The following RALGAPB variants were observed in gnomAD, a reference collection of about 807,000 sequenced individuals.
RALGAPB encodes ral GTPase-activating protein subunit beta.
Under a neutral mutation model 161.1 loss-of-function variants are expected in RALGAPB, and 25 were observed. The ratio of observed to expected loss-of-function variants is 0.16; its 90% confidence interval spans 0.11 to 0.22. The LOEUF (loss-of-function observed/expected upper bound fraction) is 0.22. Among genes scored for constraint, RALGAPB ranks in the 10% least tolerant of loss-of-function variants. RALGAPB has a pLI of 1.00. For missense variants in RALGAPB, 1,391 were observed against 1,815.2 expected (o/e 0.77, Z 4.25); for synonymous variants, 629 against 626.1 (o/e 1.00, Z -0.07).
intron 20 of RALGAPB, among the ~76,000 whole-genome samples, chr20:38,549,029 C>T (rs1346836483): frequency 6.6e-6 from 1 of 152,138 alleles, no homozygotes; most frequent in Non-Finnish European, 1.5e-5. Flanking sequence ...GTGATTCTGA[C>T]ATCTACTTAG....
At chr20:38,532,108 T>G (rs1244117463) in intron 14 of RALGAPB, among the ~76,000 whole-genome samples, 1 of 152,210 alleles carries the variant, frequency 6.6e-6, no homozygotes, top group Non-Finnish European at 1.5e-5. Context: ...CAGGCTTGAG[T>G]GCAGTGGCGC....
Position 38,542,780 on chromosome 20 carries a change from C to T in RALGAPB, c.2714+1588C>T, listed in dbSNP as rs183407115. Among the ~76,000 whole-genome samples the T allele has an allele frequency of 3.8e-3, 585 of 151,952 alleles. 8 individuals are homozygous for T. Among genetic ancestry groups the T allele is most frequent in the African/African-American group, 0.013 (558 of 41,414 alleles). ...GTCCCAGCTACTCAGGAGGCTGAGG[C>T]AGGAGAATCGCTTGAACCCAGGACA... On this transcript the variant is annotated intron_variant, in intron 18 of 29. Transcript: ENST00000262879.
At chr20:38,473,860 A>G (rs1180156008) in intron 1 of RALGAPB, among the ~76,000 whole-genome samples, 1 of 152,200 alleles carries the variant, frequency 6.6e-6, no homozygotes, top group Non-Finnish European at 1.5e-5. Flanking sequence ...AAGATGCCCA[A>G]GTGATTCCAG....
chr20:38,574,871 C>A lies in RALGAPB; in HGVS notation c.4389C>A (p.Ile1463=), dbSNP rs1342572740. 6.2e-7 allele frequency: 1 copy of A among 1,613,670 alleles called. No homozygotes were observed. ...SPPHVRRKQK[I]TDIVNKYRNK... ...CCCATGTCCGCCGGAAACAGAAAAT[C>A]ACCGACATTGTCAACAAGTACCGGA... is the stretch of plus-strand genomic sequence containing the variant. The change falls in exon 30 of 30, where the codon ATC becomes ATA. Residue 1463 remains isoleucine (I), a synonymous_variant. Transcript: ENST00000262879.
At chr20:38,501,686 T>C (rs1568917611) in intron 5 of RALGAPB, among the ~76,000 whole-genome samples, 1 of 152,138 alleles carries the variant, frequency 6.6e-6, no homozygotes. Context: ...ATTACAGGCA[T>C]GAGCCACTGT....
intron 26 of RALGAPB, 97 bp from the exon 27 acceptor site, chr20:38,569,791 T>G: frequency 1.2e-6 from 1 of 853,832 alleles, no homozygotes; most frequent in Non-Finnish European, 1.9e-6. Context: ...ACTTGGTCAC[T>G]GAGCACCTTG....
In RALGAPB at chr20:38,546,438, T is replaced by G; in HGVS notation, c.2902+8T>G. On this transcript the variant is annotated splice_region_variant and intron_variant, in intron 19 of 29. Transcript: ENST00000262879. ...CTCTTGGAAATGAGCAGAGTAAGTT[T>G]ATAGTACTTTGAGCCTTCTCTACTG... is the stretch of plus-strand genomic sequence containing the variant. The G allele has an allele frequency of 6.2e-7, 1 of 1,613,928 alleles. No homozygotes were observed. The highest frequency in any genetic ancestry group is 8.5e-7 in the Non-Finnish European group (1 of 1,179,872).
chr20:38,569,824 T>C, intron 26 of RALGAPB, 64 bp from the exon 27 acceptor site: 1 of 1,307,520 alleles, frequency 7.6e-7, no homozygotes, highest in South Asian at 1.2e-5. Flanking sequence ...CTGGGTAGTT[T>C]TATTAAGCCA....
chr20:38,539,366 A>G (rs551942348), intron 16 of RALGAPB, among the ~76,000 whole-genome samples: 1 of 152,310 alleles, frequency 6.6e-6, no homozygotes, highest in South Asian at 2.1e-4. Context: ...GACCAGTTGT[A>G]TACTTGAAAT....
intron 6 of RALGAPB, among the ~76,000 whole-genome samples, chr20:38,511,237 G>A (rs2085939063): frequency 6.6e-6 from 1 of 151,946 alleles, no homozygotes; most frequent in African/African-American, 2.4e-5. Context: ...TGAACAGCTA[G>A]CCAGACTCTG....
rs558139133 is a variant in RALGAPB, at chr20:38,475,045, C to T, written c.-31+1976C>T. On this transcript the variant is annotated intron_variant, in intron 1 of 29. Transcript: ENST00000262879. Reference sequence around the variant, plus strand: ...TTGAGTTCTTACCAATTGCAAGGCACTCTGTAACTAACCATGTGCAATCAA... The same window carrying T: ...TTGAGTTCTTACCAATTGCAAGGCATTCTGTAACTAACCATGTGCAATCAA... 2.6e-5 allele frequency among the ~76,000 whole-genome samples: 4 copies of T among 152,312 alleles called. No homozygotes were observed. In the South Asian group the frequency reaches 8.3e-4, roughly 32 times the overall value.
chr20:38,488,311 T>G (rs2085178186), intron 1 of RALGAPB, 92 bp from the exon 2 acceptor site: 1 of 785,270 alleles, frequency 1.3e-6, no homozygotes, highest in Admixed American at 3.0e-5. Flanking sequence ...GCAGCATTCT[T>G]TATCATGCCA....
chr20:38,574,922 T>C lies in RALGAPB; in HGVS notation c.4440T>C (p.Tyr1480=), dbSNP rs750917396. The C allele has an allele frequency of 3.9e-5, 63 of 1,613,946 alleles. No homozygotes were observed. The highest frequency in any genetic ancestry group is 5.3e-5 in the Non-Finnish European group (63 of 1,179,896). Reference sequence around the variant, plus strand: ...ACAAGCAGCTGGAGCCAGAGTTTTATACTTCACTTTTCCAGGAGGTTGGAC... The same window carrying C: ...ACAAGCAGCTGGAGCCAGAGTTTTACACTTCACTTTTCCAGGAGGTTGGAC... The part of the protein sequence containing the change: ...YRNKQLEPEF[Y]TSLFQEVGLK... The change falls in exon 30 of 30, where the codon TAT becomes TAC. Residue 1480 remains tyrosine, a synonymous_variant. Coordinates refer to ENST00000262879, the MANE Select transcript of RALGAPB (RefSeq NM_020336.4).
Position 38,535,143 on chromosome 20 carries a change from C to A in RALGAPB, c.2315C>A (p.Ser772Tyr). 1.2e-6 allele frequency: 2 copies of A among 1,614,100 alleles called. No individual in the cohort carries two copies. The highest frequency in any genetic ancestry group is 1.1e-5 in the South Asian group (1 of 91,086). ...CATCTCGTCACCCAAAGACTCAACT[C>A]CCAGTGGCGCCAAGACATGAGCATA... ...SIHLVTQRLN[S>Y]QWRQDMSISL... The change falls in exon 16 of 30, where the codon TCC (serine) becomes TAC (tyrosine). Residue 772 changes from serine (S) to tyrosine (Y), a missense_variant. Physicochemically the swap from Ser to Tyr is moderately radical, Grantham distance 144. Coordinates refer to ENST00000262879, the MANE Select transcript of RALGAPB (RefSeq NM_020336.4).
intron 5 of RALGAPB, among the ~76,000 whole-genome samples, chr20:38,502,926 AAG>A (rs1048067998): frequency 1.3e-5 from 2 of 152,040 alleles, no homozygotes; most frequent in African/African-American, 4.8e-5. Flanking sequence ...ATTTTTTTTA[AAG>A]AGGGGGTCTT....
rs745567039 is a variant in RALGAPB, at chr20:38,497,325, G to A, written c.390-28G>A. The A allele has an allele frequency of 8.7e-6, 14 of 1,607,278 alleles. No homozygotes were observed. In the Admixed American group the frequency reaches 2.2e-4, roughly 25 times the overall value. On this transcript the variant is annotated intron_variant, in intron 3 of 29. Transcript: ENST00000262879. The stretch of plus-strand genomic sequence containing the variant: ...CTGTTGCTGTCTCTCCTCCAGGCTT[G>A]TCAGTGATATCTGTCTGTCTTCTTC...
rs746522464 is a variant in RALGAPB at position 38,497,525 on chromosome 20, AT to A, written c.553+20del. On this transcript the variant is annotated intron_variant, in intron 4 of 29. Transcript: ENST00000262879. ...CCCACCAACTGTTCAAGGTTTGTTT[AT>A]TTTTTTTTTTCTAATTTATTTCTGA... 5.7e-3 allele frequency: 6,964 copies of A among 1,218,962 alleles called. No homozygotes were observed. Among genetic ancestry groups the A allele is most frequent in the Admixed American group, 9.1e-3 (391 of 42,794 alleles). The allele number at this position is 1,218,962 out of a possible 1,614,324, so 75.5% of individuals were successfully genotyped here.
At chr20:38,497,241 A>G in intron 3 of RALGAPB, 112 bp from the exon 4 acceptor site, 1 of 953,132 alleles carries the variant, frequency 1.0e-6, no homozygotes, top group South Asian at 1.6e-5. Flanking sequence ...TCTGCTGATA[A>G]TATTAGGGAG....
chr20:38,493,410 C>T (rs2085331592), intron 3 of RALGAPB, among the ~76,000 whole-genome samples: 1 of 152,154 alleles, frequency 6.6e-6, no homozygotes, highest in African/African-American at 2.4e-5. Context: ...TTCCCTTCTA[C>T]TCAAAAAAAT....
Sources: allele counts gnomAD v4.1 joint callset (sites outside exome capture counted in the v4.1 genomes callset), GRCh38; gene constraint gnomAD v4.1.1; transcripts MANE v1.5; gene names NCBI Gene and HGNC (gene_info 2026-07-23, HGNC 2026-07-21).